Variants in ERICH6B observed in about 807,000 individuals in gnomAD.
The protein encoded by ERICH6B is glutamate-rich protein 6B.
A neutral mutation model predicts 80.0 loss-of-function variants in ERICH6B; 69 were observed. The observed-to-expected ratio is 0.86, with a 90% CI of 0.71 to 1.05. The LOEUF is 1.05. ERICH6B is among the 50% of genes least tolerant of loss of function. ERICH6B has a pLI of 0.00. For missense variants in ERICH6B, 754 were observed against 796.1 expected (o/e 0.95, Z 0.64); for synonymous variants, 283 against 291.9 (o/e 0.97, Z 0.31).
rs1442901955 is a variant in ERICH6B, at chr13:45,549,882, C to T, written c.1646+11G>A. ...GGGCAGGAGTGTTAGGGACTCATGACCCAAGCTTACCAGATATCACTATTT... is the reference window on the plus strand; with the variant it reads ...GGGCAGGAGTGTTAGGGACTCATGATCCAAGCTTACCAGATATCACTATTT... On this transcript the variant is annotated intron_variant, in intron 13 of 14. Transcript: ENST00000298738. The T allele has an allele frequency of 7.1e-6, 11 of 1,548,390 alleles. No individual in the cohort carries two copies. In the Admixed American group the frequency reaches 2.0e-4, roughly 28 times the overall value.
At chr13:45,577,307 C>T (rs188234722) in intron 7 of ERICH6B, among the ~76,000 whole-genome samples, 3 of 89,516 alleles carry the variant, frequency 3.4e-5, no homozygotes, top group African/African-American at 4.2e-5. Context: ...TTTTTTGAGA[C>T]GGAGTATCGC....
At chr13:45,606,505 GTATATATATA>G (rs58856558) in intron 2 of ERICH6B, among the ~76,000 whole-genome samples, 29 of 28,692 alleles carry the variant, frequency 1.0e-3, no homozygotes, top group African/African-American at 4.4e-3. Context: ...AAGTGTATGT[GTATATATATA>G]TATATATATA....
rs186627555 is a variant in ERICH6B, at chr13:45,597,784, C to T, written c.-58-721G>A. On this transcript the variant is annotated intron_variant, in intron 2 of 14. Coordinates refer to ENST00000298738, the MANE Select transcript of ERICH6B (RefSeq NM_182542.3). Reference sequence around the variant, plus strand: ...ATATTAAATTGTTTGCACGTTTGTTCTTCCAACAGTATAAGCTCCTTAAAG... The same window carrying T: ...ATATTAAATTGTTTGCACGTTTGTTTTTCCAACAGTATAAGCTCCTTAAAG... Among the ~76,000 whole-genome samples the T allele has an allele frequency of 2.0e-5, 3 of 152,250 alleles. No individual in the cohort carries two copies. The East Asian group carries it at 5.8e-4, about 29-fold the overall frequency.
intron 2 of ERICH6B, among the ~76,000 whole-genome samples, chr13:45,602,603 CT>C (rs1411293261): frequency 2.0e-5 from 3 of 152,154 alleles, no homozygotes; most frequent in Non-Finnish European, 4.4e-5. Context: ...CTCCAACAGC[CT>C]TCTTGGCATC....
At chr13:45,611,956 T>G (rs1949902248) in intron 1 of ERICH6B, among the ~76,000 whole-genome samples, 1 of 152,214 alleles carries the variant, frequency 6.6e-6, no homozygotes, top group Non-Finnish European at 1.5e-5. Flanking sequence ...ATAGTCCAAC[T>G]TGCTTCACAG....
intron 14 of ERICH6B, among the ~76,000 whole-genome samples, chr13:45,544,369 C>T (rs1873907139): frequency 6.6e-6 from 1 of 152,196 alleles, no homozygotes; most frequent in South Asian, 2.1e-4. Flanking sequence ...GCCACCGCAA[C>T]TGGCCTACAC....
chr13:45,596,698 T>C lies in ERICH6B; in HGVS notation c.308A>G (p.Tyr103Cys), dbSNP rs183299896. The change falls in exon 3 of 15, where the codon TAT (tyrosine) becomes TGT (cysteine). Residue 103 changes from tyrosine (Y) to cysteine (C), a missense_variant. Transcript: ENST00000298738. ...EEEEYLEKAG[Y>C]LEEEEYIEEE... ...TTCAATATACTCTTCCTCCTCCAGA[T>C]ACCCTGCCTTCTCCAGATACTCTTC... The C allele has an allele frequency of 4.0e-5, 62 of 1,552,006 alleles. 1 individual carries two copies. In the Admixed American group the frequency reaches 8.8e-4, roughly 22 times the overall value.
intron 8 of ERICH6B, 57 bp downstream of exon 8, chr13:45,574,785 G>T: frequency 7.3e-7 from 1 of 1,378,314 alleles, no homozygotes; most frequent in Non-Finnish European, 1.0e-6. Context: ...CTAGGCTTGG[G>T]CCACCCTACA....
intron 1 of ERICH6B, among the ~76,000 whole-genome samples, chr13:45,615,300 G>A (rs990556675): frequency 3.3e-5 from 5 of 152,188 alleles, no homozygotes; most frequent in Non-Finnish European, 7.3e-5. Flanking sequence ...TCCTGGTTGG[G>A]GGACTGGTCT....
intron 1 of ERICH6B, among the ~76,000 whole-genome samples, chr13:45,609,825 T>C (rs1278296013): frequency 2.0e-5 from 3 of 152,214 alleles, no homozygotes; most frequent in Non-Finnish European, 4.4e-5. Context: ...TTAGGCAATT[T>C]TGCCATTGTG....
chr13:45,580,904 C>T (rs1000290518), intron 5 of ERICH6B, among the ~76,000 whole-genome samples: 6 of 152,100 alleles, frequency 3.9e-5, no homozygotes, highest in African/African-American at 1.4e-4. Context: ...AAAATGTAAC[C>T]CTGTTGTGGC....
At position 45,541,339 on chromosome 13, in the gene ERICH6B, A is replaced by G. The variant is rs1021632604; in HGVS notation, c.*123T>C. 5.8e-5 allele frequency: 47 copies of G among 811,956 alleles called. No individual in the cohort carries two copies. The highest frequency in any genetic ancestry group is 8.7e-5 in the Non-Finnish European group (45 of 516,466). 50.3% of individuals were successfully genotyped at this position (811,956 alleles called of 1,614,324 possible). A position where few individuals can be genotyped will look rare whatever the true frequency, so the allele number is the denominator to read the frequency against. ...GTTTACTTCAAATCAAGGAGCCACGACAGGTCCCAAATTACAAACCAACTC... is the reference window on the plus strand; with the variant it reads ...GTTTACTTCAAATCAAGGAGCCACGGCAGGTCCCAAATTACAAACCAACTC... On this transcript the variant is annotated 3_prime_UTR_variant, in exon 15 of 15. Transcript: ENST00000298738.
chr13:45,591,264 T>C (rs1032325693), intron 3 of ERICH6B, among the ~76,000 whole-genome samples: 3 of 152,218 alleles, frequency 2.0e-5, no homozygotes, highest in Non-Finnish European at 4.4e-5. Flanking sequence ...AGCTTACCCA[T>C]GCAAGAAAAT....
intron 8 of ERICH6B, among the ~76,000 whole-genome samples, chr13:45,570,535 A>G (rs1276234246): frequency 2.0e-5 from 3 of 152,202 alleles, no homozygotes; most frequent in Non-Finnish European, 4.4e-5. Context: ...TCCAAATAGG[A>G]GGGCTTTAGC....
At chr13:45,550,386 AC>A in intron 11 of ERICH6B, 70 bp from the exon 12 acceptor site, 2 of 1,292,722 alleles carry the variant, frequency 1.5e-6, no homozygotes, top group Non-Finnish European at 2.2e-6. Flanking sequence ...ACTGCAGAGC[AC>A]GGTGTGGACC....
At chr13:45,580,745 TC>T in intron 5 of ERICH6B, 80 bp from the exon 6 acceptor site, 1 of 1,416,368 alleles carries the variant, frequency 7.1e-7, no homozygotes, top group African/African-American at 1.4e-5. Context: ...GTATGTGGGG[TC>T]CCAGGTTCTT....
At chr13:45,614,563 A>C (rs1418830096) in intron 1 of ERICH6B, among the ~76,000 whole-genome samples, 2 of 152,182 alleles carry the variant, frequency 1.3e-5, no homozygotes, top group East Asian at 3.9e-4. Flanking sequence ...AACTCAAGAG[A>C]TGAGTTATGG....
At chr13:45,588,300 C>G (rs1395274687) in intron 4 of ERICH6B, among the ~76,000 whole-genome samples, 1 of 152,140 alleles carries the variant, frequency 6.6e-6, no homozygotes, top group African/African-American at 2.4e-5. Context: ...TCTGAGGGAT[C>G]AGTAGGGGAG....
Position 45,578,372 on chromosome 13 carries a change from C to CA in ERICH6B, c.961+1560dup, listed in dbSNP as rs1461759298. ...TGAGCCCAAGCTCTTTCTCCTCCTG[C>CA]AAAATCTGATTGCTGTGGTCTCTAA... On this transcript the variant is annotated intron_variant, in intron 7 of 14. Coordinates refer to ENST00000298738, the MANE Select transcript of ERICH6B (RefSeq NM_182542.3). Among the ~76,000 whole-genome samples the CA allele has an allele frequency of 8.5e-5, 13 of 152,330 alleles. No individual in the cohort carries two copies. In the East Asian group the frequency reaches 2.5e-3, roughly 29 times the overall value.
Sources: gnomAD v4.1 joint callset for allele counts (sites outside exome capture counted in the v4.1 genomes callset) on GRCh38, gnomAD v4.1.1 for gene constraint, MANE v1.5 for transcripts, NCBI Gene and HGNC (gene_info 2026-07-23, HGNC 2026-07-21) for gene names.